Variants in PCMTD1 observed in about 807,000 individuals in gnomAD.
The protein encoded by PCMTD1 is protein-L-isoaspartate (D-aspartate) O-methyltransferase domain containing 1, also known as protein-L-isoaspartate O-methyltransferase domain-containing protein 1.
A neutral mutation model predicts 37.6 loss-of-function variants in PCMTD1; 12 were observed. That is an observed-to-expected ratio of 0.32 (90% confidence interval 0.20 to 0.52). The LOEUF (loss-of-function observed/expected upper bound fraction) is 0.52. Ranked by LOEUF, PCMTD1 falls within the 20% of genes least tolerant of loss-of-function variation. The pLI is 0.97. For missense variants in PCMTD1, 235 were observed against 421.3 expected (o/e 0.56, Z 3.87); for synonymous variants, 117 against 135.8 (o/e 0.86, Z 0.96).
intron 1 of PCMTD1, among the ~76,000 whole-genome samples, chr8:51,893,445 C>A (rs2038961923): frequency 6.6e-6 from 1 of 152,114 alleles, no homozygotes; most frequent in Non-Finnish European, 1.5e-5. Flanking sequence ...ACAGCTGGAG[C>A]TTCCTGATAT....
intron 1 of PCMTD1, among the ~76,000 whole-genome samples, chr8:51,867,198 T>C (rs1177337248): frequency 6.6e-6 from 1 of 152,072 alleles, no homozygotes; most frequent in Non-Finnish European, 1.5e-5. Flanking sequence ...TAACAAGTAT[T>C]GGCAAGGTTG....
intron 1 of PCMTD1, among the ~76,000 whole-genome samples, chr8:51,896,691 A>G (rs2039006064): frequency 6.6e-6 from 1 of 152,192 alleles, no homozygotes. Flanking sequence ...ATACCATTAT[A>G]GTTTCACACT....
chr8:51,862,210 A>T (rs2038481851), intron 1 of PCMTD1, among the ~76,000 whole-genome samples: 2 of 152,258 alleles, frequency 1.3e-5, no homozygotes. Context: ...CACTGAACAT[A>T]AAATGCAAAA....
rs62506085 is a variant in PCMTD1 at position 51,825,625 on chromosome 8, C to T, written c.707-4907G>A. 2.4e-4 allele frequency among the ~76,000 whole-genome samples: 7 copies of T among 28,832 alleles called. 2 individuals carry two copies. Among genetic ancestry groups the T allele is most frequent in the African/African-American group, 2.1e-4 (5 of 23,262 alleles). 18.9% of individuals were successfully genotyped at this position (28,832 alleles called of 152,430 possible). ...AGGAGAATGGCGTGAACCCAGGAAG[C>T]GGAGCTTGCAGTGAGCCGAGATTGC... On this transcript the variant is annotated intron_variant, in intron 5 of 5. Coordinates refer to ENST00000522514, the MANE Select transcript of PCMTD1 (RefSeq NM_052937.4).
At chr8:51,869,454 C>A (rs184760956) in intron 1 of PCMTD1, among the ~76,000 whole-genome samples, 141 of 152,084 alleles carry the variant, frequency 9.3e-4, no homozygotes, top group Non-Finnish European at 1.7e-3. Flanking sequence ...TCCTAAGGTC[C>A]CTCAGAGCTC....
At position 51,895,934 on chromosome 8, in the gene PCMTD1, ATTTCTTTT is replaced by A. The variant is rs760988950; in HGVS notation, c.-96+2988_-96+2995del. Reference sequence around the variant, plus strand: ...CTTTATTAATGTTAGTATTTGTCCCATTTCTTTTTTTTTTTTTTTTTTTTTTTTTGAGA... The same window carrying A: ...CTTTATTAATGTTAGTATTTGTCCCATTTTTTTTTTTTTTTTTTTTTGAGA... On this transcript the variant is annotated intron_variant, in intron 1 of 5. Coordinates refer to ENST00000522514, the MANE Select transcript of PCMTD1 (RefSeq NM_052937.4). 695 of 116,676 alleles carry A rather than the reference ATTTCTTTT, an allele frequency of 6.0e-3. 39 individuals carry two copies. The highest frequency in any genetic ancestry group is 7.8e-3 in the Non-Finnish European group (458 of 58,614). The allele number at this position is 116,676 out of a possible 1,614,324, so 7.2% of individuals were successfully genotyped here.
chr8:51,875,152 A>C (rs999481794), intron 1 of PCMTD1, among the ~76,000 whole-genome samples: 5 of 152,240 alleles, frequency 3.3e-5, no homozygotes, highest in African/African-American at 1.2e-4. Context: ...TCTTTATTTC[A>C]ATATTCCAGT....
chr8:51,895,888 T>C (rs929314791), intron 1 of PCMTD1: 1 of 151,978 alleles, frequency 6.6e-6, no homozygotes, highest in South Asian at 2.1e-4. Flanking sequence ...TCTTCTCAAA[T>C]ACAGATTACA....
chr8:51,878,562 C>T (rs534952131), intron 1 of PCMTD1, among the ~76,000 whole-genome samples: 14 of 150,160 alleles, frequency 9.3e-5, no homozygotes, highest in African/African-American at 3.4e-4. Context: ...GCCTGGGCAA[C>T]ATAGTGAGAC....
intron 1 of PCMTD1, among the ~76,000 whole-genome samples, chr8:51,897,535 AAAAGT>A (rs1276040335): frequency 2.0e-5 from 3 of 152,256 alleles, no homozygotes; most frequent in Non-Finnish European, 4.4e-5. Context: ...AAAAAAACCA[AAAAGT>A]AAACTAATTC....
intron 1 of PCMTD1, among the ~76,000 whole-genome samples, chr8:51,866,303 A>G (rs1416185037): frequency 6.6e-6 from 1 of 151,966 alleles, no homozygotes; most frequent in East Asian, 1.9e-4. Context: ...ATAGGAAACA[A>G]TCCTAAAATT....
chr8:51,866,809 C>T (rs2038561789), intron 1 of PCMTD1, among the ~76,000 whole-genome samples: 1 of 151,872 alleles, frequency 6.6e-6, no homozygotes, highest in Non-Finnish European at 1.5e-5. Context: ...AGCTTCTGTA[C>T]AGTAAAGCTT....
At chr8:51,836,275 A>G (rs4361755) in intron 3 of PCMTD1, among the ~76,000 whole-genome samples, 104,566 of 152,144 alleles carry the variant, frequency 0.69, 42,393 homozygotes, top group Non-Finnish European at 0.9. Flanking sequence ...AATGTGGCTA[A>G]TTCAAGTTTA....
chr8:51,819,169 T>A lies in PCMTD1; in HGVS notation c.*1182A>T, dbSNP rs2037808621. 1 of 151,992 alleles carries A rather than the reference T, an allele frequency of 6.6e-6. No individual in the cohort carries two copies. Among genetic ancestry groups the A allele is most frequent in the Admixed American group, 6.6e-5 (1 of 15,238 alleles). The allele number at this position is 151,992 out of a possible 1,614,324, so 9.4% of individuals were successfully genotyped here. On this transcript the variant is annotated 3_prime_UTR_variant, in exon 6 of 6. Transcript: ENST00000522514. Reference sequence around the variant, plus strand: ...AGTAAAAAATGAAAACCATTATAGTTTTACCAAAAGAAACACAAAAAATAT... The same window carrying A: ...AGTAAAAAATGAAAACCATTATAGTATTACCAAAAGAAACACAAAAAATAT...
At chr8:51,889,471 G>A (rs929287133) in intron 1 of PCMTD1, among the ~76,000 whole-genome samples, 1 of 152,136 alleles carries the variant, frequency 6.6e-6, no homozygotes, top group East Asian at 1.9e-4. Flanking sequence ...GCTAGTAGGA[G>A]GCAAAACTGA....
chr8:51,867,357 T>C (rs190941358), intron 1 of PCMTD1, among the ~76,000 whole-genome samples: 95 of 152,020 alleles, frequency 6.2e-4, no homozygotes, highest in African/African-American at 1.9e-3. Flanking sequence ...TCCAAAAAGA[T>C]TGAAATTAGT....
chr8:51,882,909 C>T (rs1215698278), intron 1 of PCMTD1, among the ~76,000 whole-genome samples: 2 of 149,744 alleles, frequency 1.3e-5, no homozygotes, highest in East Asian at 2.0e-4. Flanking sequence ...AGGCGGATCA[C>T]GAGGTCAGGA....
intron 1 of PCMTD1, 57 bp from the exon 2 acceptor site, chr8:51,861,303 CTTGT>C: frequency 1.6e-6 from 2 of 1,222,064 alleles, no homozygotes; most frequent in Non-Finnish European, 2.2e-6. Flanking sequence ...AGCAAAATAA[CTTGT>C]TTATTAAATG....
chr8:51,875,935 T>C (rs1477554518), intron 1 of PCMTD1, among the ~76,000 whole-genome samples: 1 of 56,040 alleles, frequency 1.8e-5, no homozygotes, highest in Non-Finnish European at 1.0e-4. Context: ...ATCTCAAAAA[T>C]GTGTTTGTGT....
Sources: allele counts gnomAD v4.1 joint callset (sites outside exome capture counted in the v4.1 genomes callset), GRCh38; gene constraint gnomAD v4.1.1; transcripts MANE v1.5; gene names NCBI Gene and HGNC (gene_info 2026-07-23, HGNC 2026-07-21).